Variants in TMEM164 observed in about 807,000 individuals in gnomAD.
TMEM164 encodes transmembrane protein 164.
Under a neutral mutation model 18.8 loss-of-function variants are expected in TMEM164, and 4 were observed. The ratio of observed to expected loss-of-function variants is 0.21; its 90% CI spans 0.10 to 0.49. TMEM164 has a LOEUF of 0.49. Among genes scored for constraint, TMEM164 ranks in the 20% least tolerant of loss-of-function variants. TMEM164 has a pLI of 0.98. For missense variants in TMEM164, 108 were observed against 239.9 expected, an observed-to-expected ratio of 0.45 and a Z score of 3.63; for synonymous variants, 86 against 101.7, an observed-to-expected ratio of 0.85 and a Z score of 0.93.
chrX:110,182,471 G>A (rs1044419064), downstream of TMEM164: 4 of 111,644 alleles, frequency 3.6e-5, no homozygotes, highest in African/African-American at 1.3e-4. Context: ...AGTCAGACAA[G>A]CTAGGCCAGC....
At chrX:110,161,117 T>C (rs757472632) in intron 5 of TMEM164, among the ~76,000 whole-genome samples, 1 of 112,387 alleles carries the variant, frequency 8.9e-6, no homozygotes, top group Non-Finnish European at 1.9e-5. Flanking sequence ...ACCTCTCTCT[T>C]GAGTGGGCTT....
chrX:110,053,323 G>C (rs1935657716), intron 2 of TMEM164, among the ~76,000 whole-genome samples: 1 of 111,471 alleles, frequency 9.0e-6, no homozygotes, highest in South Asian at 3.8e-4. Flanking sequence ...TGAGCTTCTT[G>C]CAGACAGGAA....
downstream of TMEM164, among the ~76,000 whole-genome samples, chrX:110,180,891 A>G (rs893027560): frequency 9.0e-6 from 1 of 111,412 alleles, no homozygotes; most frequent in African/African-American, 3.3e-5. Flanking sequence ...GGTGATGCCA[A>G]CCTGCCACTG....
At chrX:110,045,643 G>A (rs967156983) in intron 2 of TMEM164, among the ~76,000 whole-genome samples, 6 of 111,781 alleles carry the variant, frequency 5.4e-5, no homozygotes, top group Admixed American at 3.8e-4. Flanking sequence ...TGGGCTTGAC[G>A]AGCTGAGAGC....
chrX:110,169,014 A>G (rs1241533814), intron 5 of TMEM164, among the ~76,000 whole-genome samples: 2 of 112,330 alleles, frequency 1.8e-5, no homozygotes, highest in Non-Finnish European at 3.8e-5. Flanking sequence ...ACCGAGTTCA[A>G]GAGATGCTGA....
intron 2 of TMEM164, among the ~76,000 whole-genome samples, chrX:110,041,345 C>T (rs1000847154): frequency 8.9e-6 from 1 of 111,964 alleles, no homozygotes; most frequent in Non-Finnish European, 1.9e-5. Flanking sequence ...AGTTATACAG[C>T]CTGACCTGTA....
chrX:110,107,741 C>T (rs921375031), intron 3 of TMEM164, among the ~76,000 whole-genome samples: 2 of 104,616 alleles, frequency 1.9e-5, no homozygotes, highest in Non-Finnish European at 3.9e-5. Context: ...TTCACTGCAA[C>T]CTCCGCCTCC....
At chrX:110,041,676 T>TC (rs1232475955) in intron 2 of TMEM164, among the ~76,000 whole-genome samples, 1 of 112,316 alleles carries the variant, frequency 8.9e-6, no homozygotes. Flanking sequence ...ATTTCTAGTA[T>TC]CCATTGTTGT....
intron 2 of TMEM164, among the ~76,000 whole-genome samples, chrX:110,063,957 G>A (rs1240388764): frequency 9.0e-6 from 1 of 111,323 alleles, no homozygotes; most frequent in Non-Finnish European, 1.9e-5. Context: ...GCCCTGGTAT[G>A]TGTCAGGTGT....
chrX:110,178,042 G>C (rs1048290785), downstream of TMEM164, among the ~76,000 whole-genome samples: 6 of 112,215 alleles, frequency 5.3e-5, no homozygotes, highest in African/African-American at 1.9e-4. Context: ...CGTTTGCTGG[G>C]CTCTCTGGTA....
chrX:110,011,667 G>T (rs950587036), intron 2 of TMEM164, among the ~76,000 whole-genome samples: 2 of 111,935 alleles, frequency 1.8e-5, no homozygotes, highest in African/African-American at 6.5e-5. Context: ...ATTTGTGAAA[G>T]AATCCCTTGG....
intron 3 of TMEM164, among the ~76,000 whole-genome samples, chrX:110,073,953 CTGTAAACTCAT>C: frequency 9.0e-6 from 1 of 111,215 alleles, no homozygotes; most frequent in East Asian, 2.8e-4. Context: ...TCTCGGCTCA[CTGTAAACTCAT>C]CCTCCCGGGT....
chrX:110,151,480 A>G (rs2066938005), intron 5 of TMEM164, among the ~76,000 whole-genome samples: 1 of 111,797 alleles, frequency 8.9e-6, no homozygotes. Flanking sequence ...GTCTTTTTAC[A>G]TATTTAAAAT....
At chrX:110,172,245 G>A (rs1192482951) in intron 6 of TMEM164, among the ~76,000 whole-genome samples, 3 of 111,768 alleles carry the variant, frequency 2.7e-5, no homozygotes, top group Non-Finnish European at 5.6e-5. Flanking sequence ...ACTTCCCTGA[G>A]AGGTGGTGAG....
chrX:110,017,741 G>T (rs1197725772), intron 2 of TMEM164, among the ~76,000 whole-genome samples: 1 of 105,452 alleles, frequency 9.5e-6, no homozygotes, highest in Non-Finnish European at 1.9e-5. Flanking sequence ...GGCTAATTTT[G>T]TATTTTTAGT....
chrX:110,152,816 C>T (rs756636171), intron 5 of TMEM164, among the ~76,000 whole-genome samples: 22 of 111,631 alleles, frequency 2.0e-4, no homozygotes, highest in Non-Finnish European at 3.8e-4. Context: ...TCTCTCCAGC[C>T]AGCCTCCTTT....
intron 2 of TMEM164, among the ~76,000 whole-genome samples, chrX:110,017,572 A>AT (rs1215521293): frequency 0.032 from 1,588 of 50,339 alleles, 99 homozygotes; most frequent in African/African-American, 0.11. Context: ...TCTTTCTTTC[A>AT]TTTTTTTTTT....
At chrX:110,048,596 G>C (rs777892593) in intron 2 of TMEM164, among the ~76,000 whole-genome samples, 1 of 109,836 alleles carries the variant, frequency 9.1e-6, no homozygotes, top group East Asian at 2.8e-4. Context: ...CAGCTGTTTT[G>C]GAATTAGAAC....
At position 110,120,400 on chromosome X, in the gene TMEM164, A is replaced by G. The variant is rs1055839041; in HGVS notation, c.507+11254A>G. 1.5e-4 allele frequency among the ~76,000 whole-genome samples: 17 copies of G among 112,133 alleles called. 1 individual carries two copies. ...TTAGTCTGTGGATCAGTGGTTCTCA[A>G]CGCTGGCTGCACAATTAGTATCCCC... On this transcript the variant is annotated intron_variant, in intron 4 of 6. Coordinates refer to ENST00000372068, the MANE Select transcript of TMEM164 (RefSeq NM_032227.4).
Sources: allele counts gnomAD v4.1 joint callset (sites outside exome capture counted in the v4.1 genomes callset), GRCh38; gene constraint gnomAD v4.1.1; transcripts MANE v1.5; gene names NCBI Gene and HGNC (gene_info 2026-07-23, HGNC 2026-07-21).